GABRA1: variants seen among roughly 807,000 people sequenced by gnomAD.
GABRA1 encodes the protein gamma-aminobutyric acid receptor subunit alpha-1.
Under a neutral mutation model 48.9 loss-of-function variants are expected in GABRA1, and 9 were observed. That is an observed-to-expected ratio of 0.18 (90% CI 0.11 to 0.32). The LOEUF (loss-of-function observed/expected upper bound fraction) is 0.32, where lower values mean the gene tolerates loss of function less well. Ranked by LOEUF, GABRA1 falls within the 10% of genes least tolerant of loss-of-function variation. The probability of loss-of-function intolerance (pLI) is 1.00; values close to 1 mark genes in which losing one functional copy is unlikely to be tolerated. For missense variants in GABRA1, 285 were observed against 553.8 expected, an observed-to-expected ratio of 0.51 and a Z score of 4.87; for synonymous variants, 210 against 198.7, an observed-to-expected ratio of 1.06 and a Z score of -0.48.
intron 6 of GABRA1, among the ~76,000 whole-genome samples, chr5:161,881,000 A>C (rs1308926238): frequency 6.6e-6 from 1 of 152,238 alleles, no homozygotes; most frequent in African/African-American, 2.4e-5. Context: ...GAAAATTAAA[A>C]TTATTTCATG....
chr5:161,882,517 GT>G, intron 6 of GABRA1, 40 bp from the exon 7 acceptor site: 1 of 1,579,874 alleles, frequency 6.3e-7, no homozygotes, highest in Non-Finnish European at 8.7e-7. Context: ...GAGAATTGAA[GT>G]GGTAAAATAT....
Position 161,848,464 on chromosome 5 carries a change from A to G in GABRA1, c.-16+42A>G, listed in dbSNP as rs118068654. ...ACCACGATACACAGACAGAGCTTTG[A>G]ACGTGGCTTTTCCTAGCTGGAGAGA... On this transcript the variant is annotated intron_variant, in intron 1 of 9. Transcript: ENST00000393943. 71 of 132,396 alleles carry G rather than the reference A, an allele frequency of 5.4e-4. 1 individual carries two copies. In the East Asian group the frequency reaches 0.017, roughly 32 times the overall value. The allele number at this position is 132,396 out of a possible 1,614,324, so 8.2% of individuals were successfully genotyped here.
At chr5:161,896,262 C>A (rs1402348036) in intron 9 of GABRA1, among the ~76,000 whole-genome samples, 1 of 152,134 alleles carries the variant, frequency 6.6e-6, no homozygotes, top group Admixed American at 6.6e-5. Context: ...GTTTTCTGAG[C>A]CTAATCATTT....
At chr5:161,890,059 T>C (rs894204696) in intron 7 of GABRA1, among the ~76,000 whole-genome samples, 1 of 152,004 alleles carries the variant, frequency 6.6e-6, no homozygotes, top group Non-Finnish European at 1.5e-5. Flanking sequence ...ACTGAGAAAG[T>C]ATAAGGCAAA....
intron 4 of GABRA1, among the ~76,000 whole-genome samples, chr5:161,869,326 T>A (rs1303495562): frequency 6.6e-6 from 1 of 152,160 alleles, no homozygotes; most frequent in African/African-American, 2.4e-5. Flanking sequence ...TGCAAACCTT[T>A]TAGCTAAGTA....
chr5:161,887,351 A>G (rs931547987), intron 7 of GABRA1, among the ~76,000 whole-genome samples: 1 of 152,168 alleles, frequency 6.6e-6, no homozygotes, highest in African/African-American at 2.4e-5. Context: ...ATTGGTGATC[A>G]TCATTCATCC....
At chr5:161,889,159 G>A (rs894002963) in intron 7 of GABRA1, among the ~76,000 whole-genome samples, 1 of 151,996 alleles carries the variant, frequency 6.6e-6, no homozygotes, top group African/African-American at 2.4e-5. Context: ...AGGCATAAGT[G>A]CGTAGATAAT....
chr5:161,850,632 G>A, intron 1 of GABRA1, 164 bp from the exon 2 acceptor site: 1 of 642,510 alleles, frequency 1.6e-6, no homozygotes, highest in South Asian at 1.8e-5. Context: ...GGAAAGTGGA[G>A]AATGGATGGT....
At chr5:161,877,374 A>G (rs921043322) in intron 6 of GABRA1, among the ~76,000 whole-genome samples, 1 of 152,200 alleles carries the variant, frequency 6.6e-6, no homozygotes, top group Non-Finnish European at 1.5e-5. Context: ...AGAGTTTATC[A>G]TTTTATATAA....
At chr5:161,856,874 T>C (rs556443660) in intron 3 of GABRA1, among the ~76,000 whole-genome samples, 4 of 151,384 alleles carry the variant, frequency 2.6e-5, no homozygotes, top group African/African-American at 9.6e-5. Context: ...CTTAGAGAAA[T>C]GTGATAATAC....
Position 161,893,017 on chromosome 5 carries a change from ATAAT to A in GABRA1, c.856+1968_856+1971del, listed in dbSNP as rs1561586244. Among the ~76,000 whole-genome samples the A allele has an allele frequency of 3.8e-4, 41 of 108,538 alleles. 1 individual carries two copies. Among genetic ancestry groups the A allele is most frequent in the African/African-American group, 1.1e-3 (34 of 31,236 alleles). 71.2% of individuals were successfully genotyped at this position (108,538 alleles called of 152,430 possible). ...GAGACTCCTTCTCAAAAAAATAATA[ATAAT>A]AATAATAATAATAATAATAATAATA... On this transcript the variant is annotated intron_variant, in intron 8 of 9. Transcript: ENST00000393943.
At chr5:161,863,385 G>A (rs1757933665) in intron 3 of GABRA1, among the ~76,000 whole-genome samples, 1 of 151,882 alleles carries the variant, frequency 6.6e-6, no homozygotes, top group African/African-American at 2.4e-5. Flanking sequence ...CTTTTGATGA[G>A]GGCCTCAGGA....
chr5:161,860,346 C>T (rs866050526), intron 3 of GABRA1, among the ~76,000 whole-genome samples: 2 of 151,828 alleles, frequency 1.3e-5, no homozygotes, highest in South Asian at 2.1e-4. Flanking sequence ...TCTTTCTGTG[C>T]CTGCCTTATT....
At chr5:161,873,462 C>A in intron 5 of GABRA1, 125 bp downstream of exon 5, 1 of 795,770 alleles carries the variant, frequency 1.3e-6, no homozygotes, top group Non-Finnish European at 2.2e-6. Flanking sequence ...CCTTAACAAT[C>A]TTAAAAATCT....
At chr5:161,877,781 T>C (rs1036482723) in intron 6 of GABRA1, among the ~76,000 whole-genome samples, 1 of 152,174 alleles carries the variant, frequency 6.6e-6, no homozygotes, top group African/African-American at 2.4e-5. Flanking sequence ...AAATTGAAGC[T>C]AAAGAAAAAT....
rs1757477580 is a variant in GABRA1 at position 161,852,348 on chromosome 5, ATTTAAG to A, written c.74+1469_74+1474del. On this transcript the variant is annotated intron_variant, in intron 2 of 9. Transcript: ENST00000393943. The stretch of plus-strand genomic sequence containing the variant: ...CTATATTTTAAGAATTGTTTTAATA[ATTTAAG>A]TTTATTTAGTCATGTTACCCCATTT... Among the ~76,000 whole-genome samples the A allele has an allele frequency of 2.0e-5, 3 of 152,040 alleles. No homozygotes were observed. In the South Asian group the frequency reaches 6.2e-4, roughly 31 times the overall value.
At chr5:161,859,129 T>C (rs1247619133) in intron 3 of GABRA1, among the ~76,000 whole-genome samples, 1 of 151,746 alleles carries the variant, frequency 6.6e-6, no homozygotes, top group Admixed American at 6.6e-5. Context: ...TGTTTTGTTT[T>C]CATTTATAGA....
intron 2 of GABRA1, among the ~76,000 whole-genome samples, chr5:161,851,703 G>C (rs1467275716): frequency 3.3e-5 from 5 of 151,428 alleles, no homozygotes; most frequent in Non-Finnish European, 5.9e-5. Context: ...TAGGGAGATG[G>C]AATAGTCTGG....
intron 3 of GABRA1, 132 bp from the exon 4 acceptor site, chr5:161,865,589 T>C: frequency 1.3e-6 from 1 of 791,382 alleles, no homozygotes; most frequent in Non-Finnish European, 2.3e-6. Flanking sequence ...TTATCAGGAC[T>C]ACACAGTGGA....
Sources: gnomAD v4.1 joint callset for allele counts (sites outside exome capture counted in the v4.1 genomes callset) on GRCh38, gnomAD v4.1.1 for gene constraint, MANE v1.5 for transcripts, NCBI Gene and HGNC (gene_info 2026-07-23, HGNC 2026-07-21) for gene names.